METTL3: variants seen among roughly 807,000 people sequenced by gnomAD.
METTL3 encodes N(6)-adenosine-methyltransferase catalytic subunit METTL3.
Under a neutral mutation model 64.3 loss-of-function variants are expected in METTL3, and 42 were observed. The ratio of observed to expected loss-of-function variants is 0.65; its 90% CI spans 0.51 to 0.84. The LOEUF (loss-of-function observed/expected upper bound fraction) is 0.84, where lower values mean the gene tolerates loss of function less well. METTL3 is among the 40% of genes least tolerant of loss of function. METTL3 has a pLI of 0.00. For synonymous variants in METTL3, 256 were observed against 263.6 expected (o/e 0.97, Z 0.28); for missense variants, 435 against 722.3 (o/e 0.60, Z 4.56).
chr14:21,505,408 T>C (rs953306111), intron 1 of METTL3, among the ~76,000 whole-genome samples: 4 of 152,256 alleles, frequency 2.6e-5, no homozygotes, highest in African/African-American at 9.6e-5. Context: ...CTGACTGATT[T>C]AATACTGCTC....
chr14:21,511,111 C>T lies in METTL3; in HGVS notation c.100+13G>A. 1 of 1,613,454 alleles carries T rather than the reference C, an allele frequency of 6.2e-7. No homozygotes were observed. The highest frequency in any genetic ancestry group is 8.5e-7 in the Non-Finnish European group (1 of 1,179,714). On this transcript the variant is annotated intron_variant, in intron 1 of 10. Coordinates refer to ENST00000298717, the MANE Select transcript of METTL3 (RefSeq NM_019852.5). ...CCCGGTTGAGCCTCGGCCCCAACAG[C>T]CCAGTGCCTCACCCAAGTGCCCCGA...
intron 1 of METTL3, among the ~76,000 whole-genome samples, chr14:21,507,184 AAAAT>A (rs530857504): frequency 3.0e-3 from 463 of 152,022 alleles, no homozygotes; most frequent in African/African-American, 0.01. Context: ...TCTGTCTCAA[AAAAT>A]AAATAAATAA....
Position 21,500,952 on chromosome 14 carries a change from G to A in METTL3, c.1077C>T (p.Val359=), listed in dbSNP as rs531030859. Residue 359 remains valine, a synonymous_variant, in exon 5 of 11, where the codon GTC becomes GTT. Transcript: ENST00000298717. ...GTCGGTCTGCACTGGAATCACCTCC[G>A]ACACTCTGTGTAAGAGCAAGCTCCT... ...PSQELALTQS[V]GGDSSADRLF... is the part of the protein sequence containing the mutation. 1.1e-5 allele frequency: 18 copies of A among 1,614,006 alleles called. No homozygotes were observed. The highest frequency in any genetic ancestry group is 2.2e-5 in the East Asian group (1 of 44,888).
chr14:21,503,298 A>G lies in METTL3; in HGVS notation c.598T>C (p.Ser200Pro). The part of the protein sequence containing the change: ...FASSLVSGLN[S>P]SASEPAKEPA... ...TCCTTTGCTGGTTCCGATGCTGAAGAGTTCAGACCAGAGACTAACGAACTG... is the reference window on the plus strand; with the variant it reads ...TCCTTTGCTGGTTCCGATGCTGAAGGGTTCAGACCAGAGACTAACGAACTG... Residue 200 changes from serine to proline, a missense_variant, in exon 3 of 11, where the codon TCT (serine) becomes CCT (proline). Ser to Pro is a moderately conservative substitution (Grantham distance 74). Coordinates refer to ENST00000298717, the MANE Select transcript of METTL3 (RefSeq NM_019852.5). The G allele has an allele frequency of 1.9e-6, 3 of 1,614,170 alleles. No homozygotes were observed. Among genetic ancestry groups the G allele is most frequent in the Non-Finnish European group, 1.7e-6 (2 of 1,180,030 alleles).
intron 3 of METTL3, chr14:21,502,846 TTATC>T (rs1392355138): frequency 8.5e-6 from 2 of 234,194 alleles, no homozygotes; most frequent in African/African-American, 2.2e-5. Flanking sequence ...CAGTGACAGA[TTATC>T]TAAATAAGAA....
intron 6 of METTL3, 106 bp from the exon 7 acceptor site, chr14:21,499,908 A>G (rs1344610569): frequency 1.9e-6 from 2 of 1,028,050 alleles, no homozygotes; most frequent in Non-Finnish European, 3.0e-6. Flanking sequence ...GTAGACGCTC[A>G]GTGAACATTT....
chr14:21,498,366 G>A lies in METTL3; in HGVS notation c.1635C>T (p.Ile545=), dbSNP rs1414103850. Residue 545 remains isoleucine, a synonymous_variant, in exon 11 of 11, where the codon ATC becomes ATT. Transcript: ENST00000298717. The part of the protein sequence containing the change: ...GRPHNVQPNW[I]TLGNQLDGIH... Reference sequence around the variant, plus strand: ...TCCCATCCAGTTGGTTTCCAAGGGTGATCCTGAAACAGTGTAAAAGGAGGG... The same window carrying A: ...TCCCATCCAGTTGGTTTCCAAGGGTAATCCTGAAACAGTGTAAAAGGAGGG... 3 of 1,614,032 alleles carry A rather than the reference G, an allele frequency of 1.9e-6. No individual in the cohort carries two copies. Among genetic ancestry groups the A allele is most frequent in the African/African-American group, 1.3e-5 (1 of 74,926 alleles).
chr14:21,504,586 C>A (rs1334940333), intron 1 of METTL3: 1 of 152,078 alleles, frequency 6.6e-6, no homozygotes, highest in Non-Finnish European at 1.5e-5. Flanking sequence ...ACTGAAATTG[C>A]TAAATAAGTA....
At chr14:21,509,793 A>C (rs1467356018) in intron 1 of METTL3, among the ~76,000 whole-genome samples, 1 of 152,206 alleles carries the variant, frequency 6.6e-6, no homozygotes, top group African/African-American at 2.4e-5. Context: ...AAAACATAAC[A>C]AAACAAAAAA....
chr14:21,503,345 G>A lies in METTL3; in HGVS notation c.551C>T (p.Ser184Leu), dbSNP rs751094763. 1.3e-5 allele frequency: 21 copies of A among 1,613,990 alleles called. No homozygotes were observed. Among genetic ancestry groups the A allele is most frequent in the South Asian group, 8.8e-5 (8 of 91,080 alleles). ...TGQKRRAEQD[S>L]TTVAAFASSL... is the part of the protein sequence containing the mutation. ...ACTGGCAAAGGCAGCTACTGTAGTC[G>A]AGTCCTGTTCTGCACGCCGCTTCTG... is the stretch of plus-strand genomic sequence containing the variant. The change falls in exon 3 of 11, where the codon TCG (serine) becomes TTG (leucine). Residue 184 changes from serine to leucine, a missense_variant. Ser to Leu is a moderately radical substitution (Grantham distance 145). This residue lies in a region of METTL3 where 228 missense variants were observed against 279.6 expected (regional missense o/e 0.82). Coordinates refer to ENST00000298717, the MANE Select transcript of METTL3 (RefSeq NM_019852.5).
At position 21,503,206 on chromosome 14, in the gene METTL3, G is replaced by A; in HGVS notation, c.690C>T (p.Asn230=). Reference sequence around the variant, plus strand: ...TCTGTTGTTCCTTAGTGGACTGTTGGTTCAGAAGGCTCTCTATCTCCAGAT... The same window carrying A: ...TCTGTTGTTCCTTAGTGGACTGTTGATTCAGAAGGCTCTCTATCTCCAGAT... ...DVDLEIESLL[N]QQSTKEQQSK... is the part of the protein sequence containing the mutation. Residue 230 remains asparagine (N), a synonymous_variant, in exon 3 of 11, where the codon AAC becomes AAT. Coordinates refer to ENST00000298717, the MANE Select transcript of METTL3 (RefSeq NM_019852.5). The A allele has an allele frequency of 1.2e-6, 2 of 1,613,700 alleles. No homozygotes were observed. Among genetic ancestry groups the A allele is most frequent in the Non-Finnish European group, 1.7e-6 (2 of 1,179,804 alleles).
Position 21,499,578 on chromosome 14 carries a change from T to C in METTL3, c.1366A>G (p.Ile456Val). ...LWGYERVDEI[I>V]WVKTNQLQRI... ...TGCAGTTGATTTGTCTTCACCCAAA[T>C]AATTTCATCTACCCGTTCATACCTG... is the stretch of plus-strand genomic sequence containing the variant. Residue 456 changes from isoleucine (I) to valine (V), a missense_variant, in exon 8 of 11, where the codon ATT becomes GTT. Physicochemically the swap from Ile to Val is conservative, Grantham distance 29. Coordinates refer to ENST00000298717, the MANE Select transcript of METTL3 (RefSeq NM_019852.5). The C allele has an allele frequency of 6.2e-7, 1 of 1,614,136 alleles. No individual in the cohort carries two copies. Among genetic ancestry groups the C allele is most frequent in the South Asian group, 1.1e-5 (1 of 91,082 alleles).
At chr14:21,500,160 C>A (rs113912566) in intron 6 of METTL3, among the ~76,000 whole-genome samples, 1 of 152,068 alleles carries the variant, frequency 6.6e-6, no homozygotes, top group African/African-American at 2.4e-5. Flanking sequence ...GAGATAGAGA[C>A]CATCCTGGCT....
chr14:21,511,066 T>A, intron 1 of METTL3, 58 bp downstream of exon 1: 1 of 1,581,660 alleles, frequency 6.3e-7, no homozygotes, highest in Admixed American at 1.8e-5. Context: ...GCTTTTTCTC[T>A]AGGGATCCCG....
Position 21,498,205 on chromosome 14 carries a change from G to T in METTL3, c.*53C>A. The T allele has an allele frequency of 2.9e-6, 3 of 1,028,278 alleles. No individual in the cohort carries two copies. The highest frequency in any genetic ancestry group is 1.3e-5 in the South Asian group (1 of 77,978). 63.7% of individuals were successfully genotyped at this position (1,028,278 alleles called of 1,614,324 possible). ...CTATTGTACAAATATCACTCTTCAG[G>T]TTTAGCTTACAGAGCCATGGCTATG... On this transcript the variant is annotated 3_prime_UTR_variant, in exon 11 of 11. Transcript: ENST00000298717.
intron 1 of METTL3, chr14:21,507,967 A>C (rs914388208): frequency 6.6e-5 from 10 of 152,142 alleles, no homozygotes; most frequent in African/African-American, 2.4e-4. Context: ...ATACTTTTAT[A>C]AGAGTCTTAA....
chr14:21,500,794 C>G, intron 5 of METTL3, 112 bp from the exon 6 acceptor site: 1 of 1,416,732 alleles, frequency 7.1e-7, no homozygotes, highest in Non-Finnish European at 9.7e-7. Flanking sequence ...ATCTATCCCC[C>G]TCCATTCCCA....
intron 1 of METTL3, 105 bp from the exon 2 acceptor site, chr14:21,503,986 T>C: frequency 9.3e-7 from 1 of 1,070,130 alleles, no homozygotes; most frequent in Non-Finnish European, 1.3e-6. Context: ...TCTTTCATTT[T>C]GTGCAGGAAA....
intron 6 of METTL3, 141 bp downstream of exon 6, chr14:21,500,354 A>T (rs1891529526): frequency 1.3e-6 from 1 of 744,574 alleles, no homozygotes; most frequent in Non-Finnish European, 2.1e-6. Flanking sequence ...ACACAGTGAG[A>T]CTCTCTCAAA....
Sources: gnomAD v4.1 joint callset for allele counts (sites outside exome capture counted in the v4.1 genomes callset) on GRCh38, gnomAD v4.1.1 for gene constraint, gnomAD v4.1.1 regional missense constraint, MANE v1.5 for transcripts, NCBI Gene and HGNC (gene_info 2026-07-23, HGNC 2026-07-21) for gene names.